Variants in GRIP1 observed in about 807,000 individuals in gnomAD.
The protein encoded by GRIP1 is glutamate receptor-interacting protein 1.
In GRIP1, 45 loss-of-function variants were observed where a neutral mutation model predicts 129.9. That is an observed-to-expected ratio of 0.35 (90% CI 0.27 to 0.44). GRIP1 has a LOEUF of 0.44. Ranked by LOEUF, GRIP1 falls within the 20% of genes least tolerant of loss-of-function variation. The pLI is 1.00. For synonymous variants in GRIP1, 530 were observed against 520.8 expected (o/e 1.02, Z -0.24); for missense variants, 1,196 against 1,396.8 (o/e 0.86, Z 2.29).
At chr12:66,672,980 T>C (rs571700167) in intron 1 of GRIP1, among the ~76,000 whole-genome samples, 2 of 152,340 alleles carry the variant, frequency 1.3e-5, no homozygotes, top group South Asian at 4.1e-4. Context: ...ACATATCTTC[T>C]AATTTCTAAG....
chr12:66,556,156 A>G (rs1315617073), intron 2 of GRIP1, among the ~76,000 whole-genome samples: 1 of 152,190 alleles, frequency 6.6e-6, no homozygotes. Flanking sequence ...CAAAGGAAAA[A>G]GAAAGAATCC....
At chr12:66,618,493 T>C (rs992509246) in intron 1 of GRIP1, among the ~76,000 whole-genome samples, 1 of 152,096 alleles carries the variant, frequency 6.6e-6, no homozygotes, top group African/African-American at 2.4e-5. Context: ...ATCATAAGGC[T>C]GTACTAGAAA....
intron 17 of GRIP1, 80 bp from the exon 18 acceptor site, chr12:66,392,896 A>G (rs2056645898): frequency 1.3e-5 from 17 of 1,317,906 alleles, no homozygotes; most frequent in Non-Finnish European, 1.8e-5. Flanking sequence ...CATACCTTAT[A>G]CATTCATCAT....
At chr12:66,767,220 G>T (rs2037668464) in intron 1 of GRIP1, among the ~76,000 whole-genome samples, 1 of 151,748 alleles carries the variant, frequency 6.6e-6, no homozygotes, top group Admixed American at 6.6e-5. Context: ...ACTATTTTTT[G>T]CCACGAAGAA....
intron 7 of GRIP1, among the ~76,000 whole-genome samples, chr12:66,468,895 T>C (rs781602365): frequency 1.3e-5 from 2 of 152,184 alleles, no homozygotes; most frequent in Non-Finnish European, 2.9e-5. Flanking sequence ...GCTTCTACAG[T>C]ATGCTTCTGT....
chr12:66,478,713 G>T (rs1470024031), intron 7 of GRIP1, among the ~76,000 whole-genome samples: 12 of 152,090 alleles, frequency 7.9e-5, no homozygotes, highest in Admixed American at 4.6e-4. Context: ...AAAAAGATGA[G>T]TTCATGTCCT....
chr12:66,677,503 A>C (rs2034392199), intron 1 of GRIP1, among the ~76,000 whole-genome samples: 1 of 152,200 alleles, frequency 6.6e-6, no homozygotes, highest in Non-Finnish European at 1.5e-5. Context: ...CAGAAAGGAT[A>C]GTCTCTTAGT....
At chr12:66,542,107 T>G (rs935664065) in intron 2 of GRIP1, among the ~76,000 whole-genome samples, 157 bp from the exon 3 acceptor site, 1 of 152,238 alleles carries the variant, frequency 6.6e-6, no homozygotes. Flanking sequence ...AAGATGTGCA[T>G]GCAGGTAATG....
intron 1 of GRIP1, among the ~76,000 whole-genome samples, chr12:66,994,392 A>G (rs1287638582): frequency 6.6e-6 from 1 of 152,002 alleles, no homozygotes; most frequent in African/African-American, 2.4e-5. Context: ...CCACATGATA[A>G]TGTCAACAGA....
rs557337154 is a variant in GRIP1, at chr12:66,373,223, G to A, written c.2779-1296C>T. On this transcript the variant is annotated intron_variant, in intron 22 of 24. Transcript: ENST00000359742. Reference sequence around the variant, plus strand: ...TCGTGCCACAGCCTCCCAAGTAGCTGGGACTACAGGCATGCGCCACCATGC... The same window carrying A: ...TCGTGCCACAGCCTCCCAAGTAGCTAGGACTACAGGCATGCGCCACCATGC... Among the ~76,000 whole-genome samples the A allele has an allele frequency of 6.6e-4, 100 of 152,240 alleles. 1 individual carries two copies. The highest frequency in any genetic ancestry group is 2.2e-3 in the African/African-American group (93 of 41,550).
At chr12:66,740,680 T>G (rs1199095483) in intron 1 of GRIP1, among the ~76,000 whole-genome samples, 1 of 152,224 alleles carries the variant, frequency 6.6e-6, no homozygotes, top group East Asian at 1.9e-4. Context: ...TTAATATTTA[T>G]GGAGCACTAA....
intron 6 of GRIP1, among the ~76,000 whole-genome samples, chr12:66,516,857 C>T (rs1175042220): frequency 6.6e-6 from 1 of 152,132 alleles, no homozygotes; most frequent in Non-Finnish European, 1.5e-5. Context: ...GTGAGCTAAT[C>T]ATATGAGTTT....
At chr12:66,681,066 T>C (rs1054631876), upstream of GRIP1, among the ~76,000 whole-genome samples, 5 of 152,160 alleles carry the variant, frequency 3.3e-5, no homozygotes, top group Admixed American at 6.6e-5. Flanking sequence ...TAACCCATCA[T>C]GGAGCTCTTT....
intron 1 of GRIP1, among the ~76,000 whole-genome samples, chr12:66,903,161 G>A (rs2040870637): frequency 6.6e-6 from 1 of 151,994 alleles, no homozygotes; most frequent in African/African-American, 2.4e-5. Context: ...ACTATGCTAT[G>A]TAAATCAACA....
chr12:66,354,796 T>A (rs1377254117), intron 23 of GRIP1, among the ~76,000 whole-genome samples: 7 of 152,202 alleles, frequency 4.6e-5, no homozygotes, highest in Admixed American at 2.0e-4. Flanking sequence ...CAGAGGGCTA[T>A]GGCATTCTGA....
chr12:66,913,815 G>C (rs2041072467), intron 1 of GRIP1, among the ~76,000 whole-genome samples: 1 of 152,102 alleles, frequency 6.6e-6, no homozygotes, highest in South Asian at 2.1e-4. Flanking sequence ...AAAATGGAAT[G>C]ACATTAAAAT....
chr12:66,948,674 C>T (rs945649742), intron 1 of GRIP1, among the ~76,000 whole-genome samples: 4 of 152,016 alleles, frequency 2.6e-5, no homozygotes, highest in African/African-American at 9.7e-5. Flanking sequence ...ACTAACTTTA[C>T]CTGGTAAAAT....
chr12:67,060,748 AGGAG>A (rs894350008), intron 1 of GRIP1, among the ~76,000 whole-genome samples: 1 of 150,488 alleles, frequency 6.6e-6, no homozygotes, highest in Non-Finnish European at 1.5e-5. Context: ...TCTTGAACCC[AGGAG>A]GTGGAGGTTG....
At chr12:66,358,808 A>T (rs1217655718) in intron 23 of GRIP1, among the ~76,000 whole-genome samples, 1 of 152,190 alleles carries the variant, frequency 6.6e-6, no homozygotes, top group Non-Finnish European at 1.5e-5. Context: ...AGGGATGAAG[A>T]GGAGAAATAG....
Sources: gnomAD v4.1 joint callset for allele counts (sites outside exome capture counted in the v4.1 genomes callset) on GRCh38, gnomAD v4.1.1 for gene constraint, MANE v1.5 for transcripts, NCBI Gene and HGNC (gene_info 2026-07-23, HGNC 2026-07-21) for gene names.